The following RHCG variants were observed in gnomAD, a reference collection of about 807,000 sequenced individuals.
The protein encoded by RHCG is ammonium transporter Rh type C.
In RHCG, 39 loss-of-function variants were observed where a neutral mutation model predicts 55.3. The ratio of observed to expected loss-of-function variants is 0.70; its 90% CI spans 0.55 to 0.92. RHCG has a LOEUF of 0.92. Among genes scored for constraint, RHCG ranks in the 40% least tolerant of loss-of-function variants. The pLI is 0.00. For missense variants in RHCG, 635 were observed against 627.9 expected (o/e 1.01, Z -0.12); for synonymous variants, 250 against 246.8 (o/e 1.01, Z -0.12).
intron 1 of RHCG, among the ~76,000 whole-genome samples, chr15:89,489,423 C>G (rs1441708300): frequency 6.6e-6 from 1 of 152,146 alleles, no homozygotes; most frequent in Non-Finnish European, 1.5e-5. Flanking sequence ...TGCACCTGGC[C>G]AGAGTGTAGC....
At chr15:89,492,789 G>A (rs954818883) in intron 1 of RHCG, among the ~76,000 whole-genome samples, 24 of 152,200 alleles carry the variant, frequency 1.6e-4, no homozygotes, top group Admixed American at 1.6e-3. Flanking sequence ...AGGGAGAGGT[G>A]ACTCCACCAT....
chr15:89,486,706 C>A, intron 2 of RHCG, 93 bp downstream of exon 2: 9 of 1,389,470 alleles, frequency 6.5e-6, no homozygotes, highest in Non-Finnish European at 8.9e-6. Flanking sequence ...AAGCCCGGGT[C>A]CCGCCGATGG....
At chr15:89,473,841 G>C (rs575250082) in intron 9 of RHCG, among the ~76,000 whole-genome samples, 42 of 152,294 alleles carry the variant, frequency 2.8e-4, no homozygotes, top group Non-Finnish European at 5.1e-4. Flanking sequence ...AAGGTATATA[G>C]AGCTGAGAGG....
chr15:89,491,597 T>C (rs1244784995), intron 1 of RHCG, among the ~76,000 whole-genome samples: 1 of 152,034 alleles, frequency 6.6e-6, no homozygotes. Context: ...GGAAACCCCA[T>C]CTCTGCTAAA....
In RHCG at chr15:89,480,347, A is replaced by G. The variant is rs768853290; in HGVS notation, c.584T>C (p.Val195Ala). ...GTTGCGTCGGTAGAGGATCCGGGTC[A>G]CTGTGAGCCCAAAGTAGGCGCCAAA... ...HTFGAYFGLTVTRILYRRNLE... is the reference protein window; with the variant it reads ...HTFGAYFGLTATRILYRRNLE... The change falls in exon 4 of 11, where the codon GTG becomes GCG. Residue 195 changes from valine (V) to alanine (A), a missense_variant. Coordinates refer to ENST00000268122, the MANE Select transcript of RHCG (RefSeq NM_016321.3). 7 of 1,614,198 alleles carry G rather than the reference A, an allele frequency of 4.3e-6. No individual in the cohort carries two copies. The highest frequency in any genetic ancestry group is 5.9e-6 in the Non-Finnish European group (7 of 1,180,026).
chr15:89,481,204 C>G (rs1596404517), intron 3 of RHCG, among the ~76,000 whole-genome samples: 2 of 152,328 alleles, frequency 1.3e-5, no homozygotes, highest in South Asian at 4.1e-4. Flanking sequence ...AATCCCAGCA[C>G]TTTGGGAGGC....
At chr15:89,480,209 A>G (rs1160931146) in intron 4 of RHCG, 52 bp downstream of exon 4, 13 of 1,611,088 alleles carry the variant, frequency 8.1e-6, no homozygotes, top group Admixed American at 1.7e-5. Flanking sequence ...TTCACCCATC[A>G]TGGCCACCTT....
chr15:89,477,339 C>A lies in RHCG; in HGVS notation c.1113-133G>T. Reference sequence around the variant, plus strand: ...CACAACATGGGGACACCGGACATATCAGTTGGCCTCTAAAACTCTAAGGGA... The same window carrying A: ...CACAACATGGGGACACCGGACATATAAGTTGGCCTCTAAAACTCTAAGGGA... On this transcript the variant is annotated intron_variant, in intron 7 of 10. Transcript: ENST00000268122. This position sits in a 1 kb window ranked among gnomAD's most constrained non-coding sequence, Gnocchi z 4.5. 1.4e-6 allele frequency: 2 copies of A among 1,410,230 alleles called. No homozygotes were observed. Among genetic ancestry groups the A allele is most frequent in the East Asian group, 2.3e-5 (1 of 43,046 alleles). 87.4% of individuals were successfully genotyped at this position (1,410,230 alleles called of 1,614,324 possible).
At chr15:89,472,673 A>G in intron 10 of RHCG, 38 bp downstream of exon 10, 1 of 1,568,356 alleles carries the variant, frequency 6.4e-7, no homozygotes, top group Non-Finnish European at 8.7e-7. Context: ...CCACTGGGAG[A>G]ACCTCCCTGT....
chr15:89,483,309 G>A, intron 2 of RHCG, 92 bp from the exon 3 acceptor site: 1 of 1,239,798 alleles, frequency 8.1e-7, no homozygotes, highest in South Asian at 1.9e-5. Flanking sequence ...ATTTGGGCTT[G>A]TGGCTTAACC....
intron 2 of RHCG, among the ~76,000 whole-genome samples, chr15:89,484,812 AC>A (rs1961330034): frequency 6.6e-6 from 1 of 151,624 alleles, no homozygotes; most frequent in African/African-American, 2.4e-5. Context: ...GAGAGAGAGA[AC>A]AGAAAGGCCC....
intron 3 of RHCG, 112 bp downstream of exon 3, chr15:89,482,955 G>A: frequency 9.2e-7 from 1 of 1,088,496 alleles, no homozygotes; most frequent in Non-Finnish European, 1.3e-6. Flanking sequence ...TGACGTTCAG[G>A]AAGTTAAGTG....
rs1204318598 is a variant in RHCG at position 89,477,347 on chromosome 15, C to A, written c.1113-141G>T. 1.4e-6 allele frequency: 2 copies of A among 1,404,496 alleles called. No individual in the cohort carries two copies. The highest frequency in any genetic ancestry group is 1.9e-6 in the Non-Finnish European group (2 of 1,025,762). 87.0% of individuals were successfully genotyped at this position (1,404,496 alleles called of 1,614,324 possible). ...GGGGACACCGGACATATCAGTTGGC[C>A]TCTAAAACTCTAAGGGACAGAGTTT... is the stretch of plus-strand genomic sequence containing the variant. On this transcript the variant is annotated intron_variant, in intron 7 of 10. Coordinates refer to ENST00000268122, the MANE Select transcript of RHCG (RefSeq NM_016321.3). This position sits in a 1 kb window ranked among gnomAD's most constrained non-coding sequence, Gnocchi z 4.5.
intron 3 of RHCG, among the ~76,000 whole-genome samples, chr15:89,481,446 T>C (rs1256252435): frequency 6.8e-6 from 1 of 147,748 alleles, no homozygotes; most frequent in Non-Finnish European, 1.5e-5. Flanking sequence ...TGAGACTCCA[T>C]CTCAGAAAAA....
chr15:89,490,930 G>A (rs1961463495), intron 1 of RHCG, among the ~76,000 whole-genome samples: 1 of 152,144 alleles, frequency 6.6e-6, no homozygotes, highest in African/African-American at 2.4e-5. Flanking sequence ...AGAGACACAA[G>A]CTGAGAACTG....
At chr15:89,474,752 G>GCCTT (rs200368825) in intron 9 of RHCG, among the ~76,000 whole-genome samples, 6 of 132,474 alleles carry the variant, frequency 4.5e-5, no homozygotes, top group African/African-American at 1.7e-4. Context: ...CTTCCTGCCT[G>GCCTT]CCTTCCTTCC....
At chr15:89,473,499 A>G (rs985960890) in intron 9 of RHCG, among the ~76,000 whole-genome samples, 8 of 152,236 alleles carry the variant, frequency 5.3e-5, no homozygotes, top group African/African-American at 1.7e-4. Flanking sequence ...CCATTGGCAC[A>G]GAATTTTGTT....
At chr15:89,478,574 T>C (rs2141890783) in intron 5 of RHCG, among the ~76,000 whole-genome samples, 1 of 152,324 alleles carries the variant, frequency 6.6e-6, no homozygotes, top group South Asian at 2.1e-4. Flanking sequence ...GAAAGGTGTC[T>C]TGATCCAGGT....
At chr15:89,474,718 G>A (rs185333933) in intron 9 of RHCG, among the ~76,000 whole-genome samples, 54 of 151,402 alleles carry the variant, frequency 3.6e-4, no homozygotes, top group Admixed American at 2.6e-3. Flanking sequence ...TGCTGCCTTC[G>A]TTCATTCCTT....
Sources: allele counts gnomAD v4.1 joint callset (sites outside exome capture counted in the v4.1 genomes callset), GRCh38; gene constraint gnomAD v4.1.1; non-coding constraint Gnocchi (gnomAD v3.1); transcripts MANE v1.5; gene names NCBI Gene and HGNC (gene_info 2026-07-23, HGNC 2026-07-21).